The following PAN3 variants were observed in gnomAD, a reference collection of about 807,000 sequenced individuals.
The protein encoded by PAN3 is PAN2-PAN3 deadenylation complex subunit PAN3.
In PAN3, 19 loss-of-function variants were observed where a neutral mutation model predicts 96.2. The observed-to-expected ratio is 0.20, with a 90% CI of 0.14 to 0.29. The LOEUF is 0.29. Among genes scored for constraint, PAN3 ranks in the 10% least tolerant of loss-of-function variants. The probability of loss-of-function intolerance (pLI) is 1.00; values close to 1 mark genes in which losing one functional copy is unlikely to be tolerated. For missense variants in PAN3, 882 were observed against 1,108.1 expected (o/e 0.80, Z 2.90); for synonymous variants, 433 against 406.6 (o/e 1.06, Z -0.78).
chr13:28,215,657 T>G (rs9508005), intron 5 of PAN3: 117,939 of 1,404,336 alleles, frequency 0.084, 5,890 homozygotes, highest in Middle Eastern at 0.099. Flanking sequence ...ATTGCCATTT[T>G]GGTAATAAGC....
chr13:28,140,910 T>A (rs1266995254), intron 1 of PAN3, among the ~76,000 whole-genome samples: 1 of 152,144 alleles, frequency 6.6e-6, no homozygotes, highest in Non-Finnish European at 1.5e-5. Context: ...CAGGTTAAAG[T>A]TTTGCTGGAT....
intron 4 of PAN3, among the ~76,000 whole-genome samples, chr13:28,181,827 A>G (rs192811909): frequency 3.8e-4 from 58 of 152,352 alleles, no homozygotes; most frequent in Admixed American, 3.5e-3. Context: ...CATGATTTAT[A>G]GGAGATTTTT....
chr13:28,146,022 A>G (rs912548887), intron 1 of PAN3, among the ~76,000 whole-genome samples: 2 of 151,902 alleles, frequency 1.3e-5, no homozygotes, highest in Non-Finnish European at 2.9e-5. Flanking sequence ...CAGCCTCCCA[A>G]AGTGCTGGGA....
chr13:28,201,331 A>G (rs1878671804), intron 5 of PAN3, among the ~76,000 whole-genome samples: 1 of 151,798 alleles, frequency 6.6e-6, no homozygotes, highest in African/African-American at 2.4e-5. Context: ...GGTGTGAGCC[A>G]CTGTACTGGC....
rs1349372218 is a variant in PAN3, at chr13:28,214,734, A to C, written c.853-5497A>C. 4 of 521,548 alleles carry C rather than the reference A, an allele frequency of 7.7e-6. No homozygotes were observed. In the East Asian group the frequency reaches 1.4e-4, roughly 19 times the overall value. 32.3% of individuals were successfully genotyped at this position (521,548 alleles called of 1,614,324 possible). On this transcript the variant is annotated intron_variant, in intron 5 of 18. Coordinates refer to ENST00000380958, the MANE Select transcript of PAN3 (RefSeq NM_175854.8). Reference sequence around the variant, plus strand: ...GAGCATGAATGTGGTCTCACTATTGATATCTCCCTGTAGAAACTTGAGACC... The same window carrying C: ...GAGCATGAATGTGGTCTCACTATTGCTATCTCCCTGTAGAAACTTGAGACC...
intron 1 of PAN3, among the ~76,000 whole-genome samples, chr13:28,168,393 T>A (rs1385146471): frequency 6.6e-6 from 1 of 152,120 alleles, no homozygotes; most frequent in Non-Finnish European, 1.5e-5. Flanking sequence ...TAATAAACCT[T>A]TAATACAGAT....
intron 17 of PAN3, among the ~76,000 whole-genome samples, chr13:28,283,148 A>G (rs1346169046): frequency 6.6e-6 from 1 of 151,994 alleles, no homozygotes; most frequent in Non-Finnish European, 1.5e-5. Flanking sequence ...TCCCAGGATC[A>G]AGCGATTCTC....
Position 28,158,967 on chromosome 13 carries a change from GATT to G in PAN3, c.431-15297_431-15295del, listed in dbSNP as rs1218460073. Among the ~76,000 whole-genome samples the G allele has an allele frequency of 3.3e-5, 5 of 151,964 alleles. No homozygotes were observed. In the South Asian group the frequency reaches 6.2e-4, roughly 19 times the overall value. The stretch of plus-strand genomic sequence containing the variant: ...GATACCATCTCATACCAGTCAGAAT[GATT>G]ATTATTAAAAAATAACAGATGCAGG... On this transcript the variant is annotated intron_variant, in intron 1 of 18. Coordinates refer to ENST00000380958, the MANE Select transcript of PAN3 (RefSeq NM_175854.8).
At chr13:28,239,940 A>G (rs1883491912) in intron 6 of PAN3, 1 of 178,576 alleles carries the variant, frequency 5.6e-6, no homozygotes, top group East Asian at 1.5e-4. Flanking sequence ...TTTGCAGTCT[A>G]CTTATGAATC....
chr13:28,166,549 G>T (rs1873567635), intron 1 of PAN3, among the ~76,000 whole-genome samples: 1 of 152,188 alleles, frequency 6.6e-6, no homozygotes, highest in Admixed American at 6.5e-5. Context: ...TGGCTGCACA[G>T]TTCTGAGGTC....
At chr13:28,215,803 C>G (rs1004883026) in intron 5 of PAN3, 8 of 1,383,176 alleles carry the variant, frequency 5.8e-6, no homozygotes, top group Non-Finnish European at 8.1e-6. Context: ...GTGAGACAGA[C>G]AGTTGCTGTG....
At chr13:28,144,892 G>C (rs972902900) in intron 1 of PAN3, among the ~76,000 whole-genome samples, 14 of 151,024 alleles carry the variant, frequency 9.3e-5, no homozygotes, top group Non-Finnish European at 1.6e-4. Context: ...GCTAATTCTC[G>C]TATTTTTAGT....
intron 1 of PAN3, among the ~76,000 whole-genome samples, chr13:28,168,330 A>C (rs1566152706): frequency 6.6e-6 from 1 of 152,202 alleles, no homozygotes; most frequent in Non-Finnish European, 1.5e-5. Flanking sequence ...CATCATTGGC[A>C]CTCAAAAAGT....
intron 2 of PAN3, among the ~76,000 whole-genome samples, chr13:28,175,253 T>G (rs1378849786): frequency 1.3e-5 from 2 of 152,102 alleles, no homozygotes; most frequent in African/African-American, 4.8e-5. Context: ...TCTCTCCCTC[T>G]CTCTCTCTGG....
At chr13:28,273,897 A>C (rs1886843039) in intron 14 of PAN3, among the ~76,000 whole-genome samples, 1 of 152,230 alleles carries the variant, frequency 6.6e-6, no homozygotes, top group South Asian at 2.1e-4. Context: ...CACTGATAGA[A>C]TTTCAGAACA....
At chr13:28,280,578 T>G in intron 16 of PAN3, 37 bp downstream of exon 16, 1 of 1,492,934 alleles carries the variant, frequency 6.7e-7, no homozygotes, top group South Asian at 1.3e-5. Flanking sequence ...TTTTTTTTTT[T>G]TGAGACAGAG....
chr13:28,149,722 C>T (rs1186267567), intron 1 of PAN3, among the ~76,000 whole-genome samples: 2 of 152,060 alleles, frequency 1.3e-5, no homozygotes, highest in East Asian at 1.9e-4. Context: ...CTCAAGTTAC[C>T]CTCTTGCCTC....
At chr13:28,231,569 T>C (rs1342409518) in intron 6 of PAN3, among the ~76,000 whole-genome samples, 1 of 152,192 alleles carries the variant, frequency 6.6e-6, no homozygotes, top group South Asian at 2.1e-4. Flanking sequence ...TCAGCCAAAA[T>C]GAAGTAGGAT....
At chr13:28,175,197 T>A (rs1874808630) in intron 2 of PAN3, among the ~76,000 whole-genome samples, 1 of 152,208 alleles carries the variant, frequency 6.6e-6, no homozygotes, top group Non-Finnish European at 1.5e-5. Context: ...TTTTCTCCAT[T>A]ATTACAATAG....
Sources: allele counts gnomAD v4.1 joint callset (sites outside exome capture counted in the v4.1 genomes callset), GRCh38; gene constraint gnomAD v4.1.1; transcripts MANE v1.5; gene names NCBI Gene and HGNC (gene_info 2026-07-23, HGNC 2026-07-21).